Variants in PLCB4 observed in about 807,000 individuals in gnomAD.
PLCB4 encodes phospholipase C beta 4, also known as 1-phosphatidylinositol 4,5-bisphosphate phosphodiesterase beta-4.
In PLCB4, 77 loss-of-function variants were observed where a neutral mutation model predicts 178.8. The observed-to-expected ratio is 0.43, with a 90% CI of 0.36 to 0.52. The LOEUF (loss-of-function observed/expected upper bound fraction) is 0.52, where lower values mean the gene tolerates loss of function less well. PLCB4 is among the 20% of genes least tolerant of loss of function. The probability of loss-of-function intolerance (pLI) is 0.00; values close to 1 mark genes in which losing one functional copy is unlikely to be tolerated. For synonymous variants in PLCB4, 496 were observed against 490.8 expected (o/e 1.01, Z -0.14); for missense variants, 1,024 against 1,453.4 (o/e 0.70, Z 4.80).
At chr20:9,162,322 G>A (rs1157348133) in intron 2 of PLCB4, among the ~76,000 whole-genome samples, 1 of 152,136 alleles carries the variant, frequency 6.6e-6, no homozygotes, top group South Asian at 2.1e-4. Flanking sequence ...TAGACTTTTG[G>A]AGGAAAAGGA....
rs570917022 is a variant in PLCB4, at chr20:9,395,872, T to A, written c.1510+254T>A. On this transcript the variant is annotated intron_variant, in intron 19 of 39. Transcript: ENST00000378473. ...CTGTAGTCCCAGCTACTGGGGAGGC[T>A]GAGGCAGTAGGATCCCTTGAGCCCA... Among the ~76,000 whole-genome samples, 3 of 152,246 alleles carry A rather than the reference T, an allele frequency of 2.0e-5. No individual in the cohort carries two copies. The East Asian group carries it at 5.8e-4, about 29-fold the overall frequency.
chr20:9,140,659 T>C (rs972241422), intron 2 of PLCB4, among the ~76,000 whole-genome samples: 1 of 151,758 alleles, frequency 6.6e-6, no homozygotes, highest in African/African-American at 2.4e-5. Context: ...GAGCTGGTGG[T>C]TTAAAAGAGC....
intron 4 of PLCB4, among the ~76,000 whole-genome samples, chr20:9,328,713 A>G (rs2031138685): frequency 6.6e-6 from 1 of 152,212 alleles, no homozygotes; most frequent in South Asian, 2.1e-4. Context: ...GCATGCCTCA[A>G]TGTCCTCACT....
chr20:9,365,457 G>A lies in PLCB4; in HGVS notation c.450-4G>A. The A allele has an allele frequency of 6.3e-7, 1 of 1,597,790 alleles. No homozygotes were observed. ...AAGGCAATGTTATTGCTATTGTTTT[G>A]CAGCTGGATGAAATTGGCATTTATG... On this transcript the variant is annotated splice_region_variant and splice_polypyrimidine_tract_variant and intron_variant, in intron 8 of 39. Coordinates refer to ENST00000378473, the MANE Select transcript of PLCB4 (RefSeq NM_001377142.1).
At chr20:9,290,934 A>G (rs976886636) in intron 3 of PLCB4, among the ~76,000 whole-genome samples, 2 of 152,166 alleles carry the variant, frequency 1.3e-5, no homozygotes, top group African/African-American at 4.8e-5. Context: ...TATTTTACAG[A>G]CAAGGATACT....
intron 3 of PLCB4, among the ~76,000 whole-genome samples, chr20:9,255,279 T>G (rs1003246616): frequency 1.3e-5 from 2 of 152,192 alleles, no homozygotes; most frequent in Non-Finnish European, 2.9e-5. Flanking sequence ...ATTGTAAGAT[T>G]CAAAGTCATT....
At chr20:9,199,391 C>T (rs1300262062) in intron 2 of PLCB4, among the ~76,000 whole-genome samples, 1 of 152,066 alleles carries the variant, frequency 6.6e-6, no homozygotes. Flanking sequence ...GTGTAGAAAC[C>T]CCATGTTAGA....
intron 2 of PLCB4, among the ~76,000 whole-genome samples, chr20:9,105,757 T>C (rs546030098): frequency 2.0e-5 from 3 of 152,168 alleles, no homozygotes; most frequent in South Asian, 2.1e-4. Flanking sequence ...CAAAGTCTTC[T>C]GGAAAAATAA....
intron 2 of PLCB4, among the ~76,000 whole-genome samples, chr20:9,117,954 TA>T (rs1243118299): frequency 6.6e-6 from 1 of 152,202 alleles, no homozygotes; most frequent in Non-Finnish European, 1.5e-5. Flanking sequence ...TGAAATTATA[TA>T]AGCTTGCTTA....
At position 9,241,004 on chromosome 20, in the gene PLCB4, T is replaced by G. The variant is rs149513928; in HGVS notation, c.-16+23552T>G. On this transcript the variant is annotated intron_variant, in intron 3 of 39. Coordinates refer to ENST00000378473, the MANE Select transcript of PLCB4 (RefSeq NM_001377142.1). ...TATCTAATACATTGAATCAGTCATA[T>G]TTCTTCTTCAATTCTCTGTCTCCAA... 4.0e-3 allele frequency among the ~76,000 whole-genome samples: 609 copies of G among 152,334 alleles called. 4 individuals are homozygous for G. Among genetic ancestry groups the G allele is most frequent in the African/African-American group, 0.014 (592 of 41,582 alleles).
chr20:9,404,782 G>T (rs1015513550), intron 20 of PLCB4, among the ~76,000 whole-genome samples: 1 of 152,118 alleles, frequency 6.6e-6, no homozygotes, highest in Non-Finnish European at 1.5e-5. Context: ...TTCCTAATGT[G>T]GGGGGCCTTC....
At chr20:9,264,612 T>C (rs2094330639) in intron 3 of PLCB4, among the ~76,000 whole-genome samples, 1 of 152,232 alleles carries the variant, frequency 6.6e-6, no homozygotes, top group Admixed American at 6.5e-5. Context: ...TGATTTTTTG[T>C]GACTAAATTT....
chr20:9,404,994 C>T (rs1467317303), intron 20 of PLCB4, among the ~76,000 whole-genome samples: 1 of 152,212 alleles, frequency 6.6e-6, no homozygotes, highest in Admixed American at 6.5e-5. Context: ...GACATGAATG[C>T]TGAGTTACTC....
intron 2 of PLCB4, among the ~76,000 whole-genome samples, chr20:9,185,845 C>T (rs2093321762): frequency 6.6e-6 from 1 of 152,214 alleles, no homozygotes; most frequent in Non-Finnish European, 1.5e-5. Context: ...CACTCATCCA[C>T]ATGGCTAAAT....
In PLCB4 at chr20:9,443,497, C is replaced by T. The variant is rs531628517; in HGVS notation, c.2765-484C>T. ...ATTGCCCTGGGACCATGAGAGTTCC[C>T]TTGCCTGAAAGGTTTTGTGAAACCT... On this transcript the variant is annotated intron_variant, in intron 30 of 39. Coordinates refer to ENST00000378473, the MANE Select transcript of PLCB4 (RefSeq NM_001377142.1). Among the ~76,000 whole-genome samples, 6 of 152,296 alleles carry T rather than the reference C, an allele frequency of 3.9e-5. No homozygotes were observed. The East Asian group carries it at 1.2e-3, about 29-fold the overall frequency.
At chr20:9,292,430 G>A (rs1404293406) in intron 3 of PLCB4, among the ~76,000 whole-genome samples, 1 of 152,120 alleles carries the variant, frequency 6.6e-6, no homozygotes, top group African/African-American at 2.4e-5. Context: ...TAAAGAGACA[G>A]TCTCTAGGGA....
intron 2 of PLCB4, among the ~76,000 whole-genome samples, chr20:9,168,748 A>T (rs2093014861): frequency 2.0e-5 from 3 of 152,142 alleles, no homozygotes; most frequent in Non-Finnish European, 2.9e-5. Flanking sequence ...CTGAGATGTG[A>T]TTGAGGGGAA....
intron 2 of PLCB4, among the ~76,000 whole-genome samples, chr20:9,121,740 A>G (rs1482996652): frequency 2.0e-5 from 3 of 152,192 alleles, no homozygotes; most frequent in Non-Finnish European, 4.4e-5. Context: ...TCTGACAAAT[A>G]TGGGTAAAGG....
intron 2 of PLCB4, among the ~76,000 whole-genome samples, chr20:9,134,211 C>T (rs568412965): frequency 3.9e-5 from 6 of 152,170 alleles, no homozygotes; most frequent in East Asian, 1.9e-4. Flanking sequence ...TTAAGTTTCC[C>T]ACATGTTTCT....
Sources: allele counts gnomAD v4.1 joint callset (sites outside exome capture counted in the v4.1 genomes callset), GRCh38; gene constraint gnomAD v4.1.1; transcripts MANE v1.5; gene names NCBI Gene and HGNC (gene_info 2026-07-23, HGNC 2026-07-21).